The following ZNF141 variants were observed in gnomAD, a reference collection of about 807,000 sequenced individuals.
ZNF141 encodes the protein zinc finger protein 141 (clone pHZ-44).
ZNF141 carries 7 observed loss-of-function variants against 11.3 expected under a neutral mutation model. The ratio of observed to expected loss-of-function variants is 0.62; its 90% CI spans 0.35 to 1.16. ZNF141 has a LOEUF of 1.16. Ranked by LOEUF, ZNF141 falls within the 50% of genes most tolerant of loss-of-function variation. The pLI is 0.02. For synonymous variants in ZNF141, 183 were observed against 190.7 expected, an observed-to-expected ratio of 0.96 and a Z score of 0.33; for missense variants, 535 against 554.0, an observed-to-expected ratio of 0.97 and a Z score of 0.34.
Position 348,508 on chromosome 4 carries a change from T to G in ZNF141, c.226+4078T>G, listed in dbSNP as rs1721442925. Among the ~76,000 whole-genome samples the G allele has an allele frequency of 2.6e-5, 4 of 151,276 alleles. No homozygotes were observed. The South Asian group carries it at 8.4e-4, about 32-fold the overall frequency. ...TGGGCGGATCACTTGAGATCAGGAG[T>G]TCAAGACTAGCCTGGCCAATATGGT... On this transcript the variant is annotated intron_variant, in intron 3 of 3. Transcript: ENST00000240499.
intron 1 of ZNF141, among the ~76,000 whole-genome samples, chr4:342,063 C>G (rs1398985082): frequency 1.3e-5 from 2 of 152,090 alleles, no homozygotes; most frequent in African/African-American, 4.8e-5. Flanking sequence ...AGCTATTATT[C>G]TATACATTTT....
chr4:345,116 T>C (rs1553849339), intron 3 of ZNF141, among the ~76,000 whole-genome samples: 1 of 152,152 alleles, frequency 6.6e-6, no homozygotes, highest in Non-Finnish European at 1.5e-5. Flanking sequence ...GTATTATGTC[T>C]AAAATGTGTA....
chr4:357,437 ATCTC>A (rs1224883013), intron 3 of ZNF141, among the ~76,000 whole-genome samples: 1 of 151,640 alleles, frequency 6.6e-6, no homozygotes, highest in East Asian at 1.9e-4. Flanking sequence ...AAAAAAAAGA[ATCTC>A]TCTTTGTCTT....
chr4:344,224 A>G, intron 2 of ZNF141, 111 bp from the exon 3 acceptor site: 1 of 1,065,820 alleles, frequency 9.4e-7, no homozygotes, highest in South Asian at 1.5e-5. Flanking sequence ...TTTTTGGATT[A>G]ATTTTCTAGA....
intron 3 of ZNF141, chr4:350,194 C>T (rs1366665698): frequency 1.9e-6 from 1 of 534,786 alleles, no homozygotes; most frequent in South Asian, 1.4e-5. Flanking sequence ...ATTTCCTTGT[C>T]TGTAGCCATG....
In ZNF141 at chr4:383,620, A is replaced by G. The variant is rs1238887745; in HGVS notation, c.*9758A>G. ...AAGCCAGTTAACGTGAACTTCCTAC[A>G]TCTAAACCAAAAGGAAAGACCTCAT... On this transcript the variant is annotated 3_prime_UTR_variant, in exon 4 of 4. Coordinates refer to ENST00000240499, the MANE Select transcript of ZNF141 (RefSeq NM_003441.4). 6.5e-6 allele frequency: 1 copy of G among 152,698 alleles called. No homozygotes were observed. Among genetic ancestry groups the G allele is most frequent in the Admixed American group, 6.5e-5 (1 of 15,342 alleles). 9.5% of individuals were successfully genotyped at this position (152,698 alleles called of 1,614,324 possible).
At chr4:346,098 A>T (rs1282130581) in intron 3 of ZNF141, among the ~76,000 whole-genome samples, 5 of 152,232 alleles carry the variant, frequency 3.3e-5, no homozygotes, top group African/African-American at 1.2e-4. Context: ...TGTGTAGTAA[A>T]TTCTCACTTA....
At chr4:338,208 C>T in intron 1 of ZNF141, 1 of 523,200 alleles carries the variant, frequency 1.9e-6, no homozygotes, top group South Asian at 2.0e-5. Context: ...CGCAGCCCCG[C>T]ACCTTCCCCA....
chr4:359,400 G>T (rs1331544167), intron 3 of ZNF141, among the ~76,000 whole-genome samples: 3 of 152,174 alleles, frequency 2.0e-5, no homozygotes, highest in Admixed American at 2.0e-4. Flanking sequence ...GTTTGGAAAT[G>T]CTCTAACCTA....
At chr4:344,871 G>A (rs142095491) in intron 3 of ZNF141, among the ~76,000 whole-genome samples, 1 of 152,284 alleles carries the variant, frequency 6.6e-6, no homozygotes, top group East Asian at 1.9e-4. Context: ...TGAAAAAGCT[G>A]CATTTTTTCT....
At position 378,641 on chromosome 4, in the gene ZNF141, T is replaced by G. The variant is rs1262016806; in HGVS notation, c.*4779T>G. Among the ~76,000 whole-genome samples the G allele has an allele frequency of 2.0e-5, 3 of 152,130 alleles. No individual in the cohort carries two copies. Among genetic ancestry groups the G allele is most frequent in the African/African-American group, 7.2e-5 (3 of 41,420 alleles). On this transcript the variant is annotated 3_prime_UTR_variant, in exon 4 of 4. Coordinates refer to ENST00000240499, the MANE Select transcript of ZNF141 (RefSeq NM_003441.4). Reference sequence around the variant, plus strand: ...GAATGATCTCTGTAGATTCAAAATCTGCACTGATCTTTTTTGTCCAGATTC... The same window carrying G: ...GAATGATCTCTGTAGATTCAAAATCGGCACTGATCTTTTTTGTCCAGATTC...
At position 377,469 on chromosome 4, in the gene ZNF141, G is replaced by C. The variant is rs1387954190; in HGVS notation, c.*3607G>C. On this transcript the variant is annotated 3_prime_UTR_variant, in exon 4 of 4. Transcript: ENST00000240499. ...TTTTCTTATTTTCTAATTATCTTCAGTTTTGTGATATCTTTATGATTTATC... is the reference window on the plus strand; with the variant it reads ...TTTTCTTATTTTCTAATTATCTTCACTTTTGTGATATCTTTATGATTTATC... Among the ~76,000 whole-genome samples the C allele has an allele frequency of 1.3e-5, 2 of 152,160 alleles. No individual in the cohort carries two copies. The highest frequency in any genetic ancestry group is 2.9e-5 in the Non-Finnish European group (2 of 68,032).
rs1241018884 is a variant in ZNF141, at chr4:376,163, A to G, written c.*2301A>G. The stretch of plus-strand genomic sequence containing the variant: ...GTCATTATGCCACCAACTTAAACCT[A>G]TCCCACCTTACTCAATGGTGTAGGT... On this transcript the variant is annotated 3_prime_UTR_variant, in exon 4 of 4. Coordinates refer to ENST00000240499, the MANE Select transcript of ZNF141 (RefSeq NM_003441.4). Among the ~76,000 whole-genome samples, 3 of 152,080 alleles carry G rather than the reference A, an allele frequency of 2.0e-5. No homozygotes were observed. Among genetic ancestry groups the G allele is most frequent in the African/African-American group, 4.8e-5 (2 of 41,448 alleles).
chr4:362,591 C>G (rs1242561204), intron 3 of ZNF141, among the ~76,000 whole-genome samples: 1 of 152,182 alleles, frequency 6.6e-6, no homozygotes, highest in Non-Finnish European at 1.5e-5. Context: ...TCAGCTTTTA[C>G]ATATGGCTAG....
chr4:340,315 ATC>A (rs781903707), intron 1 of ZNF141, among the ~76,000 whole-genome samples: 1 of 152,260 alleles, frequency 6.6e-6, no homozygotes, highest in Non-Finnish European at 1.5e-5. Flanking sequence ...AAACAAAATG[ATC>A]TCTCTATTTG....
chr4:351,567 G>T (rs1721605053), intron 3 of ZNF141, among the ~76,000 whole-genome samples: 1 of 152,144 alleles, frequency 6.6e-6, no homozygotes, highest in African/African-American at 2.4e-5. Context: ...AGTATAAAAT[G>T]TAAGTGCCTT....
rs1223301738 is a variant in ZNF141 at position 377,026 on chromosome 4, ATG to A, written c.*3166_*3167del. 6.6e-6 allele frequency among the ~76,000 whole-genome samples: 1 copy of A among 152,194 alleles called. No individual in the cohort carries two copies. Among genetic ancestry groups the A allele is most frequent in the Admixed American group, 6.5e-5 (1 of 15,278 alleles). On this transcript the variant is annotated 3_prime_UTR_variant, in exon 4 of 4. Coordinates refer to ENST00000240499, the MANE Select transcript of ZNF141 (RefSeq NM_003441.4). The stretch of plus-strand genomic sequence containing the variant: ...GAATGATTTTTATAAAATGTAGTGA[ATG>A]TAAAATTTTTAGATGTAATTTCATA...
At chr4:346,090 T>C (rs192867692) in intron 3 of ZNF141, among the ~76,000 whole-genome samples, 12 of 152,266 alleles carry the variant, frequency 7.9e-5, no homozygotes, top group African/African-American at 2.9e-4. Flanking sequence ...TATTTAAGTG[T>C]GTAGTAAATT....
At chr4:370,408 G>T (rs1711996654) in intron 3 of ZNF141, among the ~76,000 whole-genome samples, 3 of 151,938 alleles carry the variant, frequency 2.0e-5, no homozygotes, top group African/African-American at 7.3e-5. Flanking sequence ...TATAAGGCAG[G>T]TGTTGTGCTA....
Sources: gnomAD v4.1 joint callset for allele counts (sites outside exome capture counted in the v4.1 genomes callset) on GRCh38, gnomAD v4.1.1 for gene constraint, MANE v1.5 for transcripts, NCBI Gene and HGNC (gene_info 2026-07-23, HGNC 2026-07-21) for gene names.